Variants in MYOF observed in about 807,000 individuals in gnomAD.
MYOF encodes myoferlin, also known as fer-1-like 3, myoferlin.
Under a neutral mutation model 284.2 loss-of-function variants are expected in MYOF, and 244 were observed. That is an observed-to-expected ratio of 0.86 (90% CI 0.77 to 0.95). The LOEUF is 0.95. Ranked by LOEUF, MYOF falls within the 40% of genes least tolerant of loss-of-function variation. The probability of loss-of-function intolerance (pLI) is 0.00; values close to 1 mark genes in which losing one functional copy is unlikely to be tolerated. For missense variants in MYOF, 2,496 were observed against 2,560.6 expected (o/e 0.97, Z 0.54); for synonymous variants, 904 against 919.7 (o/e 0.98, Z 0.31).
chr10:93,458,637 G>T (rs2056801211), intron 1 of MYOF, among the ~76,000 whole-genome samples: 1 of 152,124 alleles, frequency 6.6e-6, no homozygotes, highest in South Asian at 2.1e-4. Flanking sequence ...GGCTGAGGCA[G>T]GAGAATCACT....
intron 45 of MYOF, among the ~76,000 whole-genome samples, chr10:93,327,435 T>C (rs747572560): frequency 6.6e-5 from 10 of 152,122 alleles, no homozygotes; most frequent in Non-Finnish European, 1.2e-4. Context: ...CACAAGCTCA[T>C]GGCCAGCCTC....
At chr10:93,349,567 G>T (rs1374761226) in intron 36 of MYOF, among the ~76,000 whole-genome samples, 1 of 152,226 alleles carries the variant, frequency 6.6e-6, no homozygotes, top group East Asian at 1.9e-4. Flanking sequence ...GTTTACTGGA[G>T]AAATAAGTAA....
chr10:93,389,174 A>G lies in MYOF; in HGVS notation c.1457-20T>C, dbSNP rs374495620. 4.9e-5 allele frequency: 79 copies of G among 1,611,142 alleles called. No homozygotes were observed. The highest frequency in any genetic ancestry group is 3.7e-4 in the Admixed American group (22 of 59,518). On this transcript the variant is annotated intron_variant, in intron 17 of 53. Transcript: ENST00000359263. Reference sequence around the variant, plus strand: ...TGTTTACTGAGAGAGAAACATCATCATGAGGTGTTAGGCTTTTAACATTCA... The same window carrying G: ...TGTTTACTGAGAGAGAAACATCATCGTGAGGTGTTAGGCTTTTAACATTCA...
At chr10:93,401,828 TGTGA>T (rs1256788110) in intron 11 of MYOF, among the ~76,000 whole-genome samples, 3,680 of 24,290 alleles carry the variant, frequency 0.15, 59 homozygotes, top group Non-Finnish European at 0.28. Context: ...TGTGTGTGTG[TGTGA>T]TCCTGATGTC....
At chr10:93,384,529 AGCTACTCAGGAG>A (rs1378419545) in intron 19 of MYOF, among the ~76,000 whole-genome samples, 2 of 152,126 alleles carry the variant, frequency 1.3e-5, no homozygotes, top group African/African-American at 4.8e-5. Flanking sequence ...CTGTAATCCC[AGCTACTCAGGAG>A]GCTGAGGCAA....
intron 3 of MYOF, among the ~76,000 whole-genome samples, chr10:93,435,246 T>C (rs1849066200): frequency 6.6e-6 from 1 of 152,172 alleles, no homozygotes; most frequent in Non-Finnish European, 1.5e-5. Flanking sequence ...AAACAAATCT[T>C]AGAACAAACA....
intron 1 of MYOF, among the ~76,000 whole-genome samples, chr10:93,470,646 C>T (rs181717113): frequency 3.9e-5 from 6 of 152,304 alleles, no homozygotes; most frequent in Admixed American, 6.5e-5. Context: ...AAATGATCTG[C>T]TCACCTCGGC....
At chr10:93,320,116 C>T (rs1842790972) in intron 48 of MYOF, 103 bp from the exon 49 acceptor site, 9 of 1,388,314 alleles carry the variant, frequency 6.5e-6, no homozygotes, top group South Asian at 2.6e-5. Flanking sequence ...AGAATTAATG[C>T]ACTTTTCTTG....
At chr10:93,419,779 T>A (rs1196874621) in intron 5 of MYOF, among the ~76,000 whole-genome samples, 1 of 152,204 alleles carries the variant, frequency 6.6e-6, no homozygotes, top group Non-Finnish European at 1.5e-5. Context: ...AACAATGGCT[T>A]TCTCACCTCT....
At chr10:93,330,712 C>T (rs1298562538) in intron 43 of MYOF, among the ~76,000 whole-genome samples, 6 of 152,154 alleles carry the variant, frequency 3.9e-5, no homozygotes, top group East Asian at 1.9e-4. Flanking sequence ...GGGACAGTCC[C>T]GGAGAAGGTG....
At chr10:93,335,137 G>A (rs941396016) in intron 41 of MYOF, among the ~76,000 whole-genome samples, 19 of 152,198 alleles carry the variant, frequency 1.2e-4, no homozygotes, top group African/African-American at 4.3e-4. Flanking sequence ...AGTGACATTT[G>A]AGCTGGCGCT....
intron 37 of MYOF, among the ~76,000 whole-genome samples, chr10:93,344,740 A>G (rs1440416586): frequency 6.6e-6 from 1 of 151,144 alleles, no homozygotes; most frequent in Non-Finnish European, 1.5e-5. Flanking sequence ...AAAAAAAAAA[A>G]AAAAAAAAAA....
chr10:93,332,230 T>TTA (rs1554839154), intron 43 of MYOF, among the ~76,000 whole-genome samples: 6 of 150,160 alleles, frequency 4.0e-5, no homozygotes, highest in Admixed American at 2.6e-4. Flanking sequence ...TCTTTTATTT[T>TTA]TTTTTTTTGG....
chr10:93,439,082 G>A (rs1296133087), intron 3 of MYOF, among the ~76,000 whole-genome samples: 1 of 152,220 alleles, frequency 6.6e-6, no homozygotes, highest in South Asian at 2.1e-4. Flanking sequence ...TAGCCTGAAG[G>A]CTGTGGCAGG....
At chr10:93,365,900 C>T (rs1170486784) in intron 26 of MYOF, among the ~76,000 whole-genome samples, 1 of 152,220 alleles carries the variant, frequency 6.6e-6, no homozygotes, top group Non-Finnish European at 1.5e-5. Context: ...CAAGTGTCAT[C>T]TGGCCCTCTT....
At chr10:93,368,436 C>A (rs1247680453) in intron 25 of MYOF, among the ~76,000 whole-genome samples, 1 of 152,166 alleles carries the variant, frequency 6.6e-6, no homozygotes, top group African/African-American at 2.4e-5. Context: ...TAACAAGAGA[C>A]CTAGTTTTGC....
intron 5 of MYOF, among the ~76,000 whole-genome samples, chr10:93,424,570 C>A (rs1316920222): frequency 6.6e-6 from 1 of 152,148 alleles, no homozygotes; most frequent in Admixed American, 6.6e-5. Flanking sequence ...CTCAGGGTGC[C>A]GCTAGGAAGA....
chr10:93,452,624 C>G (rs942442037), intron 2 of MYOF, among the ~76,000 whole-genome samples: 15 of 151,560 alleles, frequency 9.9e-5, no homozygotes, highest in African/African-American at 3.6e-4. Flanking sequence ...TTAATGGGTG[C>G]AGCACACCAA....
chr10:93,476,818 G>T (rs989381526), intron 1 of MYOF, among the ~76,000 whole-genome samples: 1 of 152,144 alleles, frequency 6.6e-6, no homozygotes, highest in African/African-American at 2.4e-5. Flanking sequence ...CCAAAAACAG[G>T]TCCAAGTAAA....
Sources: allele counts gnomAD v4.1 joint callset (sites outside exome capture counted in the v4.1 genomes callset), GRCh38; gene constraint gnomAD v4.1.1; transcripts MANE v1.5; gene names NCBI Gene and HGNC (gene_info 2026-07-23, HGNC 2026-07-21).